NYAP2: variants seen among roughly 807,000 people sequenced by gnomAD.
NYAP2 encodes neuronal tyrosine-phosphorylated phosphoinositide-3-kinase adaptor 2.
NYAP2 carries 23 observed loss-of-function variants against 50.4 expected under a neutral mutation model. The ratio of observed to expected loss-of-function variants is 0.46; its 90% CI spans 0.33 to 0.65. The LOEUF (loss-of-function observed/expected upper bound fraction) is 0.65. Ranked by LOEUF, NYAP2 falls within the 30% of genes least tolerant of loss-of-function variation. NYAP2 has a pLI of 0.02. For synonymous variants in NYAP2, 394 were observed against 365.2 expected, an observed-to-expected ratio of 1.08 and a Z score of -0.90; for missense variants, 885 against 861.0, an observed-to-expected ratio of 1.03 and a Z score of -0.35.
At chr2:225,565,564 T>C (rs541862823) in intron 4 of NYAP2, among the ~76,000 whole-genome samples, 106 of 152,296 alleles carry the variant, frequency 7.0e-4, no homozygotes, top group African/African-American at 2.4e-3. Flanking sequence ...GATAGATAAA[T>C]GTGAAGTATG....
At chr2:225,536,662 C>G (rs981814809) in intron 4 of NYAP2, among the ~76,000 whole-genome samples, 2 of 151,914 alleles carry the variant, frequency 1.3e-5, no homozygotes, top group Non-Finnish European at 2.9e-5. Flanking sequence ...AACATTTATT[C>G]TTTGTGTACT....
At chr2:225,432,298 C>A (rs548593234) in intron 3 of NYAP2, among the ~76,000 whole-genome samples, 1 of 151,338 alleles carries the variant, frequency 6.6e-6, no homozygotes, top group African/African-American at 2.4e-5. Flanking sequence ...ACCCGGCCAG[C>A]AATGATAGGT....
At chr2:225,687,582 T>G in the NYAP2 span, among the ~76,000 whole-genome samples, 1 of 152,190 alleles carries the variant, frequency 6.6e-6, no homozygotes, top group South Asian at 2.1e-4. Flanking sequence ...ATTTTATTTC[T>G]TAAGTAATAT....
rs146169500 is a variant in NYAP2 at position 225,503,857 on chromosome 2, C to CT, written c.222-9505dup. 4.1e-4 allele frequency among the ~76,000 whole-genome samples: 62 copies of CT among 151,472 alleles called. No homozygotes were observed. The East Asian group carries it at 0.011, about 27-fold the overall frequency. ...TAATTATGTCCACTGATAATTATAG[C>CT]TTTTTTTTTCTTGACTTTTTCTTTT... On this transcript the variant is annotated intron_variant, in intron 3 of 6. Transcript: ENST00000636099.
chr2:225,453,968 C>T lies in NYAP2; in HGVS notation c.221+44867C>T, dbSNP rs561730753. On this transcript the variant is annotated intron_variant, in intron 3 of 6. Transcript: ENST00000636099. Reference sequence around the variant, plus strand: ...CTGGGATTATAGGTGTGAGTCACCGCGCCTGGCCATCTATTAATTTTTTTA... The same window carrying T: ...CTGGGATTATAGGTGTGAGTCACCGTGCCTGGCCATCTATTAATTTTTTTA... 1.2e-4 allele frequency among the ~76,000 whole-genome samples: 18 copies of T among 151,866 alleles called. 1 individual carries two copies. In the East Asian group the frequency reaches 1.5e-3, roughly 13 times the overall value.
intron 3 of NYAP2, among the ~76,000 whole-genome samples, chr2:225,412,286 A>C (rs1180943909): frequency 8.4e-5 from 3 of 35,616 alleles, no homozygotes; most frequent in African/African-American, 1.7e-4. Context: ...TTTTTTAACA[A>C]AAATTTTGTT....
intron 4 of NYAP2, among the ~76,000 whole-genome samples, chr2:225,530,246 C>G (rs913554275): frequency 6.6e-6 from 1 of 152,150 alleles, no homozygotes; most frequent in African/African-American, 2.4e-5. Flanking sequence ...TCATTTGAGA[C>G]TGCATCTTTG....
intron 3 of NYAP2, among the ~76,000 whole-genome samples, chr2:225,439,343 T>G: frequency 6.6e-6 from 1 of 152,190 alleles, no homozygotes. Flanking sequence ...ATTTGGAGTT[T>G]CATTGAGATT....
intron 4 of NYAP2, among the ~76,000 whole-genome samples, chr2:225,521,357 T>C (rs1489414989): frequency 6.6e-6 from 1 of 151,178 alleles, no homozygotes; most frequent in East Asian, 1.9e-4. Flanking sequence ...GTGCCAGTTT[T>C]CAAAGGGAAT....
chr2:225,498,861 G>C (rs867652530), intron 3 of NYAP2, among the ~76,000 whole-genome samples: 3 of 152,312 alleles, frequency 2.0e-5, no homozygotes, highest in Middle Eastern at 3.4e-3. Context: ...GAGGGAAAAG[G>C]GAGATGGCAA....
chr2:225,500,836 T>C (rs1574646100), intron 3 of NYAP2, among the ~76,000 whole-genome samples: 1 of 152,216 alleles, frequency 6.6e-6, no homozygotes, highest in Admixed American at 6.5e-5. Context: ...TTTTCTGGTA[T>C]GAAATTTCAT....
chr2:225,450,412 T>C (rs551644365), intron 3 of NYAP2, among the ~76,000 whole-genome samples: 29 of 152,274 alleles, frequency 1.9e-4, no homozygotes, highest in African/African-American at 5.8e-4. Flanking sequence ...GGTGTCCTAG[T>C]GGAATTTTTG....
At chr2:225,687,882 A>G in the NYAP2 span, among the ~76,000 whole-genome samples, 1 of 152,106 alleles carries the variant, frequency 6.6e-6, no homozygotes, top group Non-Finnish European at 1.5e-5. Flanking sequence ...ACCTCTTATC[A>G]TTAACTAGAA....
chr2:225,528,983 T>C (rs1243240396), intron 4 of NYAP2, among the ~76,000 whole-genome samples: 1 of 152,192 alleles, frequency 6.6e-6, no homozygotes, highest in Non-Finnish European at 1.5e-5. Flanking sequence ...GTAACCCTCA[T>C]TGCAACTTTC....
At chr2:225,404,131 C>T (rs981249146) in intron 2 of NYAP2, among the ~76,000 whole-genome samples, 15 of 151,988 alleles carry the variant, frequency 9.9e-5, no homozygotes, top group Middle Eastern at 6.8e-3. Flanking sequence ...TGAGACCACA[C>T]GCAATTGATA....
chr2:225,583,371 A>G lies in NYAP2; in HGVS notation c.1618+336A>G, dbSNP rs182266588. On this transcript the variant is annotated intron_variant, in intron 5 of 6. Coordinates refer to ENST00000636099, the Ensembl canonical transcript of NYAP2. ...CCACTATGGAATTTTAGGTATGTGC[A>G]GATAACGCACGGAGTACGTGGTCTT... Among the ~76,000 whole-genome samples the G allele has an allele frequency of 3.7e-4, 57 of 152,318 alleles. No individual in the cohort carries two copies. The East Asian group carries it at 0.011, about 29-fold the overall frequency.
chr2:225,422,491 G>T (rs1470145876), intron 3 of NYAP2, among the ~76,000 whole-genome samples: 2 of 151,992 alleles, frequency 1.3e-5, no homozygotes, highest in Non-Finnish European at 2.9e-5. Context: ...AGGTAAAAGG[G>T]AAGAATAATG....
chr2:225,643,967 G>A (rs1477348587), intron 6 of NYAP2, among the ~76,000 whole-genome samples: 1 of 148,620 alleles, frequency 6.7e-6, no homozygotes, highest in African/African-American at 2.5e-5. Context: ...CCAGTAATGG[G>A]ATGGCTGGGT....
chr2:225,428,593 T>A (rs1695319859), intron 3 of NYAP2, among the ~76,000 whole-genome samples: 1 of 152,236 alleles, frequency 6.6e-6, no homozygotes, highest in Admixed American at 6.5e-5. Context: ...AAGCCAGATT[T>A]GGCCTGCAGT....
Sources: allele counts gnomAD v4.1 joint callset (sites outside exome capture counted in the v4.1 genomes callset), GRCh38; gene constraint gnomAD v4.1.1; transcripts MANE v1.5; gene names NCBI Gene and HGNC (gene_info 2026-07-23, HGNC 2026-07-21).